MMS22L: variants seen among roughly 807,000 people sequenced by gnomAD.
The protein encoded by MMS22L is MMS22 like, DNA repair protein, also known as protein MMS22-like.
MMS22L carries 74 observed loss-of-function variants against 159.1 expected under a neutral mutation model. The ratio of observed to expected loss-of-function variants is 0.47; its 90% CI spans 0.39 to 0.56. The LOEUF (loss-of-function observed/expected upper bound fraction) is 0.56. Among genes scored for constraint, MMS22L ranks in the 20% least tolerant of loss-of-function variants. The pLI, the probability that MMS22L is intolerant of heterozygous loss-of-function variation, is 0.00. For synonymous variants in MMS22L, 517 were observed against 506.9 expected, an observed-to-expected ratio of 1.02 and a Z score of -0.27; for missense variants, 1,351 against 1,422.1, an observed-to-expected ratio of 0.95 and a Z score of 0.80.
chr6:97,254,379 A>T (rs774377221), intron 10 of MMS22L, 178 bp downstream of exon 10: 1 of 589,028 alleles, frequency 1.7e-6, no homozygotes, highest in Non-Finnish European at 2.8e-6. Flanking sequence ...TTAATTAAAC[A>T]ATTAAAACAT....
chr6:97,158,282 A>AT (rs1333412137), intron 22 of MMS22L, among the ~76,000 whole-genome samples: 1 of 151,684 alleles, frequency 6.6e-6, no homozygotes. Context: ...GGATTCACTG[A>AT]TTTTTTTGAA....
intron 14 of MMS22L, among the ~76,000 whole-genome samples, chr6:97,192,958 C>T (rs1414713363): frequency 2.0e-5 from 3 of 152,168 alleles, no homozygotes; most frequent in Non-Finnish European, 4.4e-5. Flanking sequence ...AACAGTCTAG[C>T]TTCAATACCC....
At chr6:97,208,101 G>C (rs1048356765) in intron 14 of MMS22L, among the ~76,000 whole-genome samples, 1 of 152,086 alleles carries the variant, frequency 6.6e-6, no homozygotes, top group South Asian at 2.1e-4. Context: ...ATTATTGCCT[G>C]ACTACATACA....
chr6:97,231,394 T>G (rs1377615944), intron 13 of MMS22L, 32 bp downstream of exon 13: 5 of 1,467,758 alleles, frequency 3.4e-6, no homozygotes. Context: ...AAGATATCAG[T>G]GCACACTCAT....
chr6:97,207,701 C>G (rs1488568780), intron 14 of MMS22L, among the ~76,000 whole-genome samples: 3 of 152,132 alleles, frequency 2.0e-5, no homozygotes, highest in African/African-American at 7.2e-5. Flanking sequence ...AAGACCTTCT[C>G]TTAACTGAAG....
At chr6:97,195,402 C>G (rs767853892) in intron 14 of MMS22L, among the ~76,000 whole-genome samples, 7 of 151,876 alleles carry the variant, frequency 4.6e-5, no homozygotes, top group Non-Finnish European at 1.0e-4. Context: ...GCCAGAAAAG[C>G]AGAAGTGTAA....
rs975953291 is a variant in MMS22L at position 97,146,002 on chromosome 6, A to G, written c.*804T>C. 14 of 152,178 alleles carry G rather than the reference A, an allele frequency of 9.2e-5. No homozygotes were observed. Among genetic ancestry groups the G allele is most frequent in the African/African-American group, 3.4e-4 (14 of 41,450 alleles). The allele number at this position is 152,178 out of a possible 1,614,324, so 9.4% of individuals were successfully genotyped here. A position where few individuals can be genotyped will look rare whatever the true frequency, so the allele number is the denominator to read the frequency against. ...TGGCTAAAGAGCAAGAAGATGGATC[A>G]GCTGACTTCTCAGACCACTACTATT... On this transcript the variant is annotated 3_prime_UTR_variant, in exon 25 of 25. Coordinates refer to ENST00000683635, the MANE Select transcript of MMS22L (RefSeq NM_001350599.2).
intron 10 of MMS22L, 87 bp from the exon 11 acceptor site, chr6:97,246,777 G>T: frequency 1.2e-6 from 1 of 840,516 alleles, no homozygotes; most frequent in Non-Finnish European, 1.9e-6. Flanking sequence ...TAAGTGTGCA[G>T]TACATTTTCC....
At chr6:97,214,150 C>G (rs1326701727) in intron 14 of MMS22L, among the ~76,000 whole-genome samples, 1 of 152,078 alleles carries the variant, frequency 6.6e-6, no homozygotes, top group African/African-American at 2.4e-5. Flanking sequence ...AAGATCAAAG[C>G]CTCATTTACA....
At chr6:97,223,488 T>C (rs375922042) in intron 14 of MMS22L, among the ~76,000 whole-genome samples, 26 of 152,246 alleles carry the variant, frequency 1.7e-4, no homozygotes, top group Admixed American at 4.6e-4. Flanking sequence ...CTTTAATTTT[T>C]AACAACTATC....
intron 22 of MMS22L, among the ~76,000 whole-genome samples, chr6:97,159,385 T>C (rs1358973159): frequency 2.0e-5 from 3 of 151,960 alleles, no homozygotes; most frequent in South Asian, 2.1e-4. Flanking sequence ...AAATTTATAC[T>C]AATTCTAGTG....
intron 16 of MMS22L, among the ~76,000 whole-genome samples, chr6:97,179,948 A>G (rs1000410663): frequency 3.3e-5 from 5 of 152,228 alleles, no homozygotes; most frequent in African/African-American, 1.2e-4. Context: ...GTCCGTTAGA[A>G]TAAGTAAACA....
Position 97,224,218 on chromosome 6 carries a change from CA to C in MMS22L, c.2039+4675del, listed in dbSNP as rs1809972315. On this transcript the variant is annotated intron_variant, in intron 14 of 24. Transcript: ENST00000683635. ...TGCAGTTACAAGAAACTCTTCCTAT[CA>C]ATGTAAACTTAACTTCACTTTATAT... is the stretch of plus-strand genomic sequence containing the variant. 2.6e-5 allele frequency among the ~76,000 whole-genome samples: 4 copies of C among 152,246 alleles called. No homozygotes were observed. In the South Asian group the frequency reaches 8.3e-4, roughly 32 times the overall value.
intron 10 of MMS22L, among the ~76,000 whole-genome samples, chr6:97,252,666 T>C (rs1005524549): frequency 3.3e-5 from 5 of 150,054 alleles, no homozygotes; most frequent in African/African-American, 1.2e-4. Context: ...AAAAAAGTAG[T>C]ACAATCTATT....
rs952933470 is a variant in MMS22L at position 97,156,270 on chromosome 6, G to A, written c.3386-4403C>T. 7.9e-5 allele frequency among the ~76,000 whole-genome samples: 12 copies of A among 152,102 alleles called. No homozygotes were observed. In the South Asian group the frequency reaches 1.5e-3, roughly 18 times the overall value. On this transcript the variant is annotated intron_variant, in intron 22 of 24. Coordinates refer to ENST00000683635, the MANE Select transcript of MMS22L (RefSeq NM_001350599.2). ...TGCAAAAATTTTCTCTCATTCTGTA[G>A]GTTGCCTGTTCACTCTGCTGATAGT... is the stretch of plus-strand genomic sequence containing the variant.
At chr6:97,275,175 T>C (rs1449257277) in intron 4 of MMS22L, among the ~76,000 whole-genome samples, 3 of 152,042 alleles carry the variant, frequency 2.0e-5, no homozygotes, top group Non-Finnish European at 4.4e-5. Flanking sequence ...AGCAGAAAAA[T>C]ATATCACAGA....
intron 14 of MMS22L, among the ~76,000 whole-genome samples, chr6:97,204,528 A>G (rs990968263): frequency 6.6e-6 from 1 of 152,218 alleles, no homozygotes; most frequent in Non-Finnish European, 1.5e-5. Flanking sequence ...ACAGTGGCTC[A>G]TGCTTGTAAT....
chr6:97,185,023 T>C (rs1805083293), intron 15 of MMS22L, among the ~76,000 whole-genome samples: 1 of 152,184 alleles, frequency 6.6e-6, no homozygotes, highest in African/African-American at 2.4e-5. Flanking sequence ...ACACCAGACA[T>C]GTTCTTGCCT....
Position 97,272,684 on chromosome 6 carries a change from T to C in MMS22L, c.606+20A>G. On this transcript the variant is annotated intron_variant, in intron 6 of 24. Transcript: ENST00000683635. ...GGAGAAAAAGCTGATAATTTAAAAA[T>C]CAAATGAAACAAGTCAAACCTTAAT... 1 of 1,586,762 alleles carries C rather than the reference T, an allele frequency of 6.3e-7. No individual in the cohort carries two copies. Among genetic ancestry groups the C allele is most frequent in the Admixed American group, 1.8e-5 (1 of 55,574 alleles).
Sources: gnomAD v4.1 joint callset for allele counts (sites outside exome capture counted in the v4.1 genomes callset) on GRCh38, gnomAD v4.1.1 for gene constraint, MANE v1.5 for transcripts, NCBI Gene and HGNC (gene_info 2026-07-23, HGNC 2026-07-21) for gene names.